The following YWHAB variants were observed in gnomAD, a reference collection of about 807,000 sequenced individuals.
The protein encoded by YWHAB is 14-3-3 protein beta/alpha.
Under a neutral mutation model 28.5 loss-of-function variants are expected in YWHAB, and 2 were observed. That is an observed-to-expected ratio of 0.07 (90% CI 0.03 to 0.22). YWHAB has a LOEUF of 0.22. Among genes scored for constraint, YWHAB ranks in the 10% least tolerant of loss-of-function variants. The probability of loss-of-function intolerance (pLI) is 1.00; values close to 1 mark genes in which losing one functional copy is unlikely to be tolerated. For missense variants in YWHAB, 148 were observed against 297.1 expected (o/e 0.50, Z 3.69); for synonymous variants, 103 against 104.7 (o/e 0.98, Z 0.10).
chr20:44,892,091 C>G (rs1750324663), intron 1 of YWHAB, among the ~76,000 whole-genome samples: 1 of 152,146 alleles, frequency 6.6e-6, no homozygotes, highest in South Asian at 2.1e-4. Context: ...CAGAGAGACT[C>G]CAGAACTAAA....
intron 1 of YWHAB, among the ~76,000 whole-genome samples, chr20:44,891,096 A>G (rs1291331222): frequency 6.6e-6 from 1 of 151,386 alleles, no homozygotes; most frequent in Non-Finnish European, 1.5e-5. Flanking sequence ...TACTCCTTAC[A>G]GGAACCCTAG....
chr20:44,905,893 C>T, intron 4 of YWHAB, 108 bp from the exon 5 acceptor site: 1 of 788,252 alleles, frequency 1.3e-6, no homozygotes, highest in Non-Finnish European at 2.1e-6. Context: ...TAGGTTCCCC[C>T]AAAGTACTGT....
At chr20:44,903,462 T>C (rs1460076706) in intron 2 of YWHAB, 1 of 152,462 alleles carries the variant, frequency 6.6e-6, no homozygotes, top group East Asian at 1.9e-4. Context: ...CCTTTAATTA[T>C]AGAAGTAATA....
intron 3 of YWHAB, among the ~76,000 whole-genome samples, chr20:44,904,385 C>T (rs2066644543): frequency 6.6e-6 from 1 of 152,164 alleles, no homozygotes; most frequent in Admixed American, 6.5e-5. Flanking sequence ...CTCTTTTTAG[C>T]AGTGAACTTT....
intron 1 of YWHAB, 113 bp downstream of exon 1, chr20:44,885,999 G>T (rs1194324844): frequency 6.6e-6 from 1 of 152,250 alleles, no homozygotes; most frequent in Non-Finnish European, 1.5e-5. Context: ...GTAGCGGCGC[G>T]CTGCCTCTTT....
At chr20:44,899,568 T>C (rs6017443) in intron 1 of YWHAB, among the ~76,000 whole-genome samples, 50,226 of 152,216 alleles carry the variant, frequency 0.33, 9,263 homozygotes, top group African/African-American at 0.49. Context: ...AGGATATTAG[T>C]GTATTTTTAT....
chr20:44,902,716 A>G (rs2057723260), intron 2 of YWHAB: 1 of 152,214 alleles, frequency 6.6e-6, no homozygotes, highest in African/African-American at 2.4e-5. Context: ...TCTACAAAGA[A>G]TATTAAAACG....
rs998493444 is a variant in YWHAB at position 44,908,062 on chromosome 20, C to T, written c.*1624C>T. 2.6e-5 allele frequency: 4 copies of T among 152,320 alleles called. No individual in the cohort carries two copies. The highest frequency in any genetic ancestry group is 9.7e-5 in the African/African-American group (4 of 41,280). 9.4% of individuals were successfully genotyped at this position (152,320 alleles called of 1,614,324 possible). A position where few individuals can be genotyped will look rare whatever the true frequency, so the allele number is the denominator to read the frequency against. On this transcript the variant is annotated 3_prime_UTR_variant, in exon 6 of 6. Coordinates refer to ENST00000353703, the MANE Select transcript of YWHAB (RefSeq NM_139323.4). ...CTATCAGTCTCACAGAATCACCCCT[C>T]TACCTTTGATATTCCACTTAGCTGT...
intron 1 of YWHAB, among the ~76,000 whole-genome samples, chr20:44,891,553 T>C (rs911117303): frequency 3.9e-5 from 6 of 152,210 alleles, no homozygotes; most frequent in Admixed American, 6.5e-5. Context: ...GGTCAACCAA[T>C]TGGGCTGTCT....
chr20:44,896,138 A>T (rs1489947439), intron 1 of YWHAB, among the ~76,000 whole-genome samples: 1 of 152,262 alleles, frequency 6.6e-6, no homozygotes, highest in Admixed American at 6.5e-5. Context: ...GCCGTCCCAT[A>T]GGAATAGAAT....
intron 1 of YWHAB, among the ~76,000 whole-genome samples, chr20:44,888,132 A>G (rs983261961): frequency 1.3e-5 from 2 of 152,226 alleles, no homozygotes; most frequent in Non-Finnish European, 2.9e-5. Flanking sequence ...AGCATCTGGG[A>G]TATAGTTGGG....
intron 1 of YWHAB, among the ~76,000 whole-genome samples, chr20:44,900,141 G>T (rs2066618278): frequency 6.6e-6 from 1 of 151,750 alleles, no homozygotes. Flanking sequence ...CTGGAACTCT[G>T]GGCTCAAGTG....
chr20:44,900,058 T>G (rs1424357151), intron 1 of YWHAB, among the ~76,000 whole-genome samples: 1 of 152,124 alleles, frequency 6.6e-6, no homozygotes, highest in Non-Finnish European at 1.5e-5. Flanking sequence ...TCTTTCTTTT[T>G]TTTTTTAGAG....
Position 44,908,049 on chromosome 20 carries a change from C to T in YWHAB, c.*1611C>T, listed in dbSNP as rs1410168112. 6.6e-6 allele frequency: 1 copy of T among 152,390 alleles called. No homozygotes were observed. Among genetic ancestry groups the T allele is most frequent in the African/African-American group, 2.4e-5 (1 of 41,356 alleles). 9.4% of individuals were successfully genotyped at this position (152,390 alleles called of 1,614,324 possible). On this transcript the variant is annotated 3_prime_UTR_variant, in exon 6 of 6. Transcript: ENST00000353703. Reference sequence around the variant, plus strand: ...AGAATAGTCAGGCCTATCAGTCTCACAGAATCACCCCTCTACCTTTGATAT... The same window carrying T: ...AGAATAGTCAGGCCTATCAGTCTCATAGAATCACCCCTCTACCTTTGATAT...
chr20:44,896,698 T>C (rs981960930), intron 1 of YWHAB, among the ~76,000 whole-genome samples: 3 of 152,252 alleles, frequency 2.0e-5, no homozygotes, highest in Non-Finnish European at 2.9e-5. Flanking sequence ...GCATTGCCAC[T>C]AGGGCAAGAT....
At chr20:44,902,505 G>T (rs949379642) in intron 2 of YWHAB, 1 of 152,146 alleles carries the variant, frequency 6.6e-6, no homozygotes, top group African/African-American at 2.4e-5. Flanking sequence ...TTTCTTCCAG[G>T]TGAAATCAGG....
chr20:44,895,376 G>A (rs2066589786), intron 1 of YWHAB, among the ~76,000 whole-genome samples: 1 of 152,216 alleles, frequency 6.6e-6, no homozygotes. Context: ...GAATTTGAAA[G>A]CCAGGTAGAG....
At chr20:44,888,791 C>A (rs1025883330) in intron 1 of YWHAB, among the ~76,000 whole-genome samples, 2 of 152,140 alleles carry the variant, frequency 1.3e-5, no homozygotes, top group African/African-American at 4.8e-5. Context: ...GGGAGAAAGT[C>A]ATCAGTTACT....
At chr20:44,892,246 T>C (rs536220287) in intron 1 of YWHAB, among the ~76,000 whole-genome samples, 1 of 152,342 alleles carries the variant, frequency 6.6e-6, no homozygotes, top group Admixed American at 6.5e-5. Flanking sequence ...TTCCTTATTC[T>C]CATTTCTTTA....
Sources: allele counts gnomAD v4.1 joint callset (sites outside exome capture counted in the v4.1 genomes callset), GRCh38; gene constraint gnomAD v4.1.1; transcripts MANE v1.5; gene names NCBI Gene and HGNC (gene_info 2026-07-23, HGNC 2026-07-21).